The following MAGI1 variants were observed in gnomAD, a reference collection of about 807,000 sequenced individuals.
The protein encoded by MAGI1 is membrane associated guanylate kinase, WW and PDZ domain containing 1, also known as membrane-associated guanylate kinase, WW and PDZ domain-containing protein 1.
Under a neutral mutation model 139.9 loss-of-function variants are expected in MAGI1, and 58 were observed. The ratio of observed to expected loss-of-function variants is 0.41; its 90% CI spans 0.34 to 0.52. The LOEUF (loss-of-function observed/expected upper bound fraction) is 0.52. MAGI1 is among the 20% of genes least tolerant of loss of function. The probability of loss-of-function intolerance (pLI) is 0.12; values close to 1 mark genes in which losing one functional copy is unlikely to be tolerated. For missense variants in MAGI1, 1,874 were observed against 1,901.6 expected, an observed-to-expected ratio of 0.99 and a Z score of 0.27; for synonymous variants, 812 against 737.9, an observed-to-expected ratio of 1.10 and a Z score of -1.63.
chr3:65,478,683 G>A lies in MAGI1; in HGVS notation c.666C>T (p.Thr222=). The A allele has an allele frequency of 6.2e-7, 1 of 1,614,034 alleles. No homozygotes were observed. The highest frequency in any genetic ancestry group is 8.5e-7 in the Non-Finnish European group (1 of 1,179,986). ...CATTTTGCATATCATTGTAGGACTT[G>A]GTTCGCTTCGGGGTCGACTGCTTAG... ...SGSKQSTPKR[T]KSYNDMQNAG... The change falls in exon 4 of 23, where the codon ACC becomes ACT. Residue 222 remains threonine, a synonymous_variant. Transcript: ENST00000402939.
At chr3:65,666,895 G>C (rs1434328697) in intron 1 of MAGI1, among the ~76,000 whole-genome samples, 2 of 152,120 alleles carry the variant, frequency 1.3e-5, no homozygotes, top group Non-Finnish European at 2.9e-5. Context: ...CCACCATTAG[G>C]GGGAGATGAG....
At chr3:66,019,138 G>C (rs2067830685) in intron 1 of MAGI1, among the ~76,000 whole-genome samples, 1 of 152,218 alleles carries the variant, frequency 6.6e-6, no homozygotes, top group South Asian at 2.1e-4. Context: ...CAGTGGAACA[G>C]ATAATAGGCA....
rs774910493 is a variant in MAGI1 at position 65,379,492 on chromosome 3, C to T, written c.2764G>A (p.Ala922Thr). ...GTGCGCTTCTCTTCTGTCAGCGAGG[C>T]CGGCTGGTTGCTACTGTGATGAGAG... Reference protein sequence around the residue: ...ASSHHSSNQPASLTEEKRTPQ... With the variant: ...ASSHHSSNQPTSLTEEKRTPQ... The change falls in exon 17 of 23, where the codon GCC becomes ACC. Residue 922 changes from alanine to threonine, a missense_variant. Coordinates refer to ENST00000402939, the MANE Select transcript of MAGI1 (RefSeq NM_001033057.2). 3 of 1,613,966 alleles carry T rather than the reference C, an allele frequency of 1.9e-6. No homozygotes were observed. The highest frequency in any genetic ancestry group is 2.5e-6 in the Non-Finnish European group (3 of 1,179,882).
At chr3:66,007,051 G>A (rs900089549) in intron 1 of MAGI1, among the ~76,000 whole-genome samples, 1 of 151,802 alleles carries the variant, frequency 6.6e-6, no homozygotes, top group African/African-American at 2.4e-5. Context: ...TCGTTGCCTA[G>A]GCTGGTCTCA....
intron 5 of MAGI1, among the ~76,000 whole-genome samples, chr3:65,457,148 T>C (rs921651040): frequency 6.6e-6 from 1 of 152,168 alleles, no homozygotes; most frequent in African/African-American, 2.4e-5. Context: ...CTGACATCTC[T>C]ATCAATTCTG....
intron 1 of MAGI1, among the ~76,000 whole-genome samples, chr3:65,777,642 C>CAAAA (rs11415226): frequency 3.3e-4 from 38 of 116,918 alleles, no homozygotes; most frequent in Admixed American, 2.2e-3. Context: ...ACTCTTATCA[C>CAAAA]AAAAAAAAAA....
intron 1 of MAGI1, among the ~76,000 whole-genome samples, chr3:65,666,906 C>T (rs964862829): frequency 3.9e-5 from 6 of 152,124 alleles, no homozygotes; most frequent in East Asian, 3.9e-4. Flanking sequence ...GGGAGATGAG[C>T]GCTGCGCTTC....
At chr3:65,432,663 G>A (rs149236650) in intron 10 of MAGI1, among the ~76,000 whole-genome samples, 13 of 152,164 alleles carry the variant, frequency 8.5e-5, no homozygotes, top group East Asian at 1.9e-4. Context: ...CTGCCAAGGC[G>A]TTGGGAGGGT....
chr3:66,008,443 G>A (rs1408093600), intron 1 of MAGI1, among the ~76,000 whole-genome samples: 1 of 152,164 alleles, frequency 6.6e-6, no homozygotes, highest in African/African-American at 2.4e-5. Context: ...CCCACCACAT[G>A]TAGGCACTAT....
intron 1 of MAGI1, among the ~76,000 whole-genome samples, chr3:65,631,522 A>C (rs1238503720): frequency 6.6e-6 from 1 of 152,208 alleles, no homozygotes; most frequent in African/African-American, 2.4e-5. Context: ...TCCTCCTTGA[A>C]CAAAATCTAT....
chr3:65,449,166 C>G (rs1159627176), intron 6 of MAGI1, among the ~76,000 whole-genome samples: 1 of 151,622 alleles, frequency 6.6e-6, no homozygotes, highest in Non-Finnish European at 1.5e-5. Context: ...GGAGAAATAC[C>G]TAATGTAAAT....
At chr3:65,539,331 C>T (rs935665994) in intron 2 of MAGI1, among the ~76,000 whole-genome samples, 1 of 151,986 alleles carries the variant, frequency 6.6e-6, no homozygotes, top group Non-Finnish European at 1.5e-5. Context: ...AAACATGTAC[C>T]AACTACATCA....
chr3:66,032,636 G>C (rs1046573873), intron 1 of MAGI1, among the ~76,000 whole-genome samples: 24 of 151,694 alleles, frequency 1.6e-4, no homozygotes, highest in African/African-American at 5.3e-4. Flanking sequence ...AGAAGAAACA[G>C]GGCCCGTTGC....
At chr3:65,421,468 T>C (rs1946625917) in intron 12 of MAGI1, among the ~76,000 whole-genome samples, 2 of 152,202 alleles carry the variant, frequency 1.3e-5, no homozygotes, top group South Asian at 4.1e-4. Context: ...GAGTTTGAGA[T>C]ACTGAATCAA....
intron 1 of MAGI1, among the ~76,000 whole-genome samples, chr3:65,909,269 A>T (rs2108661473): frequency 6.6e-6 from 1 of 152,236 alleles, no homozygotes; most frequent in East Asian, 1.9e-4. Flanking sequence ...TCATGCCTGT[A>T]ATCTCAACAT....
chr3:65,499,580 G>A (rs945347351), intron 2 of MAGI1, among the ~76,000 whole-genome samples: 3 of 151,876 alleles, frequency 2.0e-5, no homozygotes, highest in South Asian at 2.1e-4. Flanking sequence ...CTGAGATTGC[G>A]CCACTGCACT....
At chr3:65,436,437 T>C (rs1947859777) in intron 10 of MAGI1, among the ~76,000 whole-genome samples, 1 of 152,156 alleles carries the variant, frequency 6.6e-6, no homozygotes, top group Non-Finnish European at 1.5e-5. Flanking sequence ...GCTTCCAATT[T>C]TCAAGAATAA....
At chr3:65,360,294 A>C (rs909429542) in intron 22 of MAGI1, 2 of 985,038 alleles carry the variant, frequency 2.0e-6, no homozygotes, top group Admixed American at 1.2e-4. Flanking sequence ...TTTCTATAGA[A>C]ACTTTGGTAG....
chr3:65,996,650 G>A (rs1458057577), intron 1 of MAGI1, among the ~76,000 whole-genome samples: 1 of 151,516 alleles, frequency 6.6e-6, no homozygotes, highest in East Asian at 1.9e-4. Context: ...TTCCACTCCC[G>A]TCTGTCAAAG....
Sources: allele counts gnomAD v4.1 joint callset (sites outside exome capture counted in the v4.1 genomes callset), GRCh38; gene constraint gnomAD v4.1.1; transcripts MANE v1.5; gene names NCBI Gene and HGNC (gene_info 2026-07-23, HGNC 2026-07-21).